Variants in SLC15A2 observed in about 807,000 individuals in gnomAD.
SLC15A2 encodes solute carrier family 15 member 2.
SLC15A2 carries 77 observed loss-of-function variants against 95.5 expected under a neutral mutation model. That is an observed-to-expected ratio of 0.81 (90% CI 0.67 to 0.97). SLC15A2 has a LOEUF of 0.97. Ranked by LOEUF, SLC15A2 falls within the 50% of genes least tolerant of loss-of-function variation. The pLI is 0.00. For synonymous variants in SLC15A2, 306 were observed against 306.9 expected (o/e 1.00, Z 0.03); for missense variants, 893 against 874.4 (o/e 1.02, Z -0.27).
intron 3 of SLC15A2, among the ~76,000 whole-genome samples, chr3:121,910,035 A>G (rs1201811501): frequency 6.6e-6 from 1 of 151,810 alleles, no homozygotes; most frequent in Non-Finnish European, 1.5e-5. Flanking sequence ...TTTGGGGTTC[A>G]TGATAGCTAG....
chr3:121,918,810 C>G (rs918739608), intron 7 of SLC15A2, among the ~76,000 whole-genome samples: 5 of 152,116 alleles, frequency 3.3e-5, no homozygotes, highest in Admixed American at 1.3e-4. Flanking sequence ...GTCACTGATA[C>G]GATTAGATCA....
chr3:121,915,837 A>G, intron 7 of SLC15A2, 144 bp downstream of exon 7: 1 of 561,946 alleles, frequency 1.8e-6, no homozygotes, highest in South Asian at 3.0e-5. Flanking sequence ...TTTCCCCTCA[A>G]TTTTGGAGGT....
chr3:121,911,469 C>T (rs2107582935), intron 3 of SLC15A2, 105 bp from the exon 4 acceptor site: 1 of 706,954 alleles, frequency 1.4e-6, no homozygotes, highest in Non-Finnish European at 2.5e-6. Flanking sequence ...CCCTCCTCCT[C>T]CTCCTCCATT....
chr3:121,932,149 CAGCCTCAGCCTCCCA>C (rs1442387525), intron 19 of SLC15A2, among the ~76,000 whole-genome samples: 2 of 152,154 alleles, frequency 1.3e-5, no homozygotes, highest in Non-Finnish European at 2.9e-5. Flanking sequence ...GATGATCCAC[CAGCCTCAGCCTCCCA>C]AAGTGTTGAG....
intron 3 of SLC15A2, among the ~76,000 whole-genome samples, chr3:121,903,201 G>A (rs1709553077): frequency 6.6e-6 from 1 of 152,046 alleles, no homozygotes; most frequent in Admixed American, 6.6e-5. Flanking sequence ...TGATGGTGTT[G>A]TTTTTTTCTT....
Position 121,927,785 on chromosome 3 carries a change from G to A in SLC15A2, c.1152G>A (p.Met384Ile). ...FSSLRKMAVG[M>I]ILACLAFAVA... ...CACTTAGGAAAATGGCTGTTGGTATGATCCTAGCATGCCTGGCATTTGCAG... is the reference window on the plus strand; with the variant it reads ...CACTTAGGAAAATGGCTGTTGGTATAATCCTAGCATGCCTGGCATTTGCAG... Residue 384 changes from methionine (M) to isoleucine (I), a missense_variant, in exon 14 of 22, where the codon ATG (methionine) becomes ATA (isoleucine). Transcript: ENST00000489711. The A allele has an allele frequency of 6.2e-7, 1 of 1,613,906 alleles. No individual in the cohort carries two copies. Among genetic ancestry groups the A allele is most frequent in the Non-Finnish European group, 8.5e-7 (1 of 1,179,778 alleles).
At chr3:121,915,423 A>G (rs931669041) in intron 6 of SLC15A2, 106 bp downstream of exon 6, 5 of 847,060 alleles carry the variant, frequency 5.9e-6, no homozygotes, top group Admixed American at 2.2e-5. Context: ...GAGCTTGATA[A>G]TCTGTGAAAA....
At chr3:121,905,609 C>G (rs1269325115) in intron 3 of SLC15A2, among the ~76,000 whole-genome samples, 1 of 152,132 alleles carries the variant, frequency 6.6e-6, no homozygotes, top group Admixed American at 6.5e-5. Context: ...GTTATTTACC[C>G]AGTAGTCATT....
chr3:121,923,381 C>CT, intron 11 of SLC15A2, 115 bp downstream of exon 11: 2 of 1,030,662 alleles, frequency 1.9e-6, no homozygotes, highest in South Asian at 1.5e-5. Context: ...CAGAGAAGTG[C>CT]TTTTAGCCTG....
chr3:121,907,313 A>G (rs1261033264), intron 3 of SLC15A2, among the ~76,000 whole-genome samples: 2 of 152,202 alleles, frequency 1.3e-5, no homozygotes, highest in African/African-American at 4.8e-5. Flanking sequence ...TTTAGCTTGA[A>G]GAAGTTTGTT....
Position 121,897,486 on chromosome 3 carries a change from A to G in SLC15A2, c.292A>G (p.Ile98Val), listed in dbSNP as rs748965784. The G allele has an allele frequency of 6.2e-7, 1 of 1,613,954 alleles. No individual in the cohort carries two copies. The highest frequency in any genetic ancestry group is 1.7e-5 in the Admixed American group (1 of 60,014). The change falls in exon 3 of 22, where the codon ATC becomes GTC. Residue 98 changes from isoleucine (I) to valine (V), a missense_variant. Transcript: ENST00000489711. ...CAGCAGCCTCTGTTATTTTACTCCC[A>G]TCCTGGGAGCAGCCATTGCTGACTC... ...AFSSLCYFTP[I>V]LGAAIADSWL...
rs1275432267 is a variant in SLC15A2, at chr3:121,904,975, G to T, written c.336-6599G>T. Among the ~76,000 whole-genome samples, 7 of 152,138 alleles carry T rather than the reference G, an allele frequency of 4.6e-5. No individual in the cohort carries two copies. The East Asian group carries it at 1.2e-3, about 25-fold the overall frequency. On this transcript the variant is annotated intron_variant, in intron 3 of 21. Coordinates refer to ENST00000489711, the MANE Select transcript of SLC15A2 (RefSeq NM_021082.4). ...TAGAATTCAGCTGTGAATCCGTCTGGTCCTGGCCTTTTTTTGGTTGGTAGG... is the reference window on the plus strand; with the variant it reads ...TAGAATTCAGCTGTGAATCCGTCTGTTCCTGGCCTTTTTTTGGTTGGTAGG...
chr3:121,915,315 G>C lies in SLC15A2; in HGVS notation c.617G>C (p.Arg206Thr), dbSNP rs775836596. The C allele has an allele frequency of 8.8e-6, 14 of 1,584,824 alleles. No individual in the cohort carries two copies. Among genetic ancestry groups the C allele is most frequent in the Non-Finnish European group, 1.2e-5 (14 of 1,166,774 alleles). ...TCTACATTTATCACACCCATGCTGA[G>C]AGGTTAGGATTTTTTTGAGGGGCCC... Reference protein sequence around the residue: ...LISTFITPMLRGDVQCFGEDC... With the variant: ...LISTFITPMLTGDVQCFGEDC... Residue 206 changes from arginine to threonine, a missense_variant and splice_region_variant, in exon 6 of 22, where the codon AGA becomes ACA. Physicochemically the swap from Arg to Thr is moderately conservative, Grantham distance 71. Transcript: ENST00000489711.
At chr3:121,914,453 A>T (rs892845955) in intron 5 of SLC15A2, among the ~76,000 whole-genome samples, 3 of 152,208 alleles carry the variant, frequency 2.0e-5, no homozygotes, top group African/African-American at 7.2e-5. Context: ...TCTAAGCCAG[A>T]TGATTTCTTT....
At chr3:121,926,641 G>T (rs1291926203) in intron 13 of SLC15A2, among the ~76,000 whole-genome samples, 1 of 152,212 alleles carries the variant, frequency 6.6e-6, no homozygotes, top group Non-Finnish European at 1.5e-5. Context: ...GCAGTGTGGA[G>T]GTAAAATGTG....
chr3:121,906,968 C>T (rs1034075800), intron 3 of SLC15A2, among the ~76,000 whole-genome samples: 2 of 152,182 alleles, frequency 1.3e-5, no homozygotes, highest in African/African-American at 2.4e-5. Flanking sequence ...TCCATTCTCC[C>T]TGTCAATTTC....
intron 7 of SLC15A2, among the ~76,000 whole-genome samples, chr3:121,919,789 A>G (rs138659659): frequency 2.6e-5 from 4 of 152,338 alleles, no homozygotes; most frequent in Admixed American, 6.5e-5. Context: ...GATTCAAGAG[A>G]GGATATTGAG....
chr3:121,929,630 C>A (rs1258216805), intron 17 of SLC15A2, among the ~76,000 whole-genome samples: 1 of 152,088 alleles, frequency 6.6e-6, no homozygotes, highest in African/African-American at 2.4e-5. Context: ...AGGAAAATAA[C>A]TGAGTACTTT....
chr3:121,913,931 CTT>C (rs1709825225), intron 5 of SLC15A2, among the ~76,000 whole-genome samples: 1 of 149,738 alleles, frequency 6.7e-6, no homozygotes, highest in East Asian at 2.0e-4. Flanking sequence ...CTCCTTCTCT[CTT>C]TCTCTCTCTC....
Sources: gnomAD v4.1 joint callset for allele counts (sites outside exome capture counted in the v4.1 genomes callset) on GRCh38, gnomAD v4.1.1 for gene constraint, MANE v1.5 for transcripts, NCBI Gene and HGNC (gene_info 2026-07-23, HGNC 2026-07-21) for gene names.